The following ZNF385D variants were observed in gnomAD, a reference collection of about 807,000 sequenced individuals.
ZNF385D encodes the protein zinc finger protein 385D.
ZNF385D carries 15 observed loss-of-function variants against 35.8 expected under a neutral mutation model. The ratio of observed to expected loss-of-function variants is 0.42; its 90% CI spans 0.28 to 0.64. ZNF385D has a LOEUF of 0.64. ZNF385D is among the 30% of genes least tolerant of loss of function. ZNF385D has a pLI of 0.23. For missense variants in ZNF385D, 474 were observed against 494.6 expected (o/e 0.96, Z 0.39); for synonymous variants, 212 against 186.8 (o/e 1.13, Z -1.10).
intron 2 of ZNF385D, among the ~76,000 whole-genome samples, chr3:21,619,616 G>A (rs1023469676): frequency 4.6e-5 from 7 of 152,052 alleles, no homozygotes; most frequent in African/African-American, 7.2e-5. Context: ...AGACTCTTCC[G>A]TTAGAAACTC....
At chr3:21,751,734 T>C (rs1213677001), upstream of ZNF385D, among the ~76,000 whole-genome samples, 1 of 152,092 alleles carries the variant, frequency 6.6e-6, no homozygotes, top group Non-Finnish European at 1.5e-5. Flanking sequence ...AAGCTAGTAC[T>C]TGGTGAAGTG....
chr3:22,262,524 T>C (rs1700686197), intron 2 of ZNF385D, among the ~76,000 whole-genome samples: 1 of 152,008 alleles, frequency 6.6e-6, no homozygotes, highest in East Asian at 1.9e-4. Context: ...TCAATTTCTA[T>C]ATTTATTTTC....
At chr3:22,321,888 AGT>A (rs1485160337) in intron 2 of ZNF385D, among the ~76,000 whole-genome samples, 1 of 151,728 alleles carries the variant, frequency 6.6e-6, no homozygotes, top group African/African-American at 2.4e-5. Context: ...CCCTTTATTG[AGT>A]GTCTCAATAT....
At chr3:21,929,830 G>A (rs573880994) in intron 3 of ZNF385D, among the ~76,000 whole-genome samples, 17 of 152,030 alleles carry the variant, frequency 1.1e-4, no homozygotes, top group South Asian at 2.1e-4. Flanking sequence ...GACATTCTGC[G>A]TTCACCATTT....
chr3:21,796,282 T>C (rs2072146225), intron 3 of ZNF385D, among the ~76,000 whole-genome samples: 1 of 152,184 alleles, frequency 6.6e-6, no homozygotes, highest in Admixed American at 6.5e-5. Flanking sequence ...ATTTCCTAAA[T>C]TGTTCTATTA....
intron 3 of ZNF385D, among the ~76,000 whole-genome samples, chr3:22,144,083 A>G (rs1037644644): frequency 2.0e-5 from 3 of 152,216 alleles, no homozygotes; most frequent in Admixed American, 1.3e-4. Flanking sequence ...AATGTTTTAT[A>G]AAAGAATGTG....
intron 1 of ZNF385D, among the ~76,000 whole-genome samples, chr3:21,735,430 A>G (rs1180488379): frequency 6.6e-6 from 1 of 152,064 alleles, no homozygotes; most frequent in Non-Finnish European, 1.5e-5. Flanking sequence ...GTTAATCTTC[A>G]TTTTTCTTAT....
chr3:21,500,437 T>C lies in ZNF385D; in HGVS notation c.439+10424A>G, dbSNP rs192027506. 2.0e-5 allele frequency among the ~76,000 whole-genome samples: 3 copies of C among 152,240 alleles called. No homozygotes were observed. The South Asian group carries it at 6.2e-4, about 32-fold the overall frequency. On this transcript the variant is annotated intron_variant, in intron 4 of 7. Coordinates refer to ENST00000281523, the MANE Select transcript of ZNF385D (RefSeq NM_024697.3). ...ATGGGGTTGACAAGCAGGAGGATAA[T>C]ACAATTTCAGTGAGTGCTAGGAATG... is the stretch of plus-strand genomic sequence containing the variant.
chr3:21,955,065 C>A (rs1049769835), intron 3 of ZNF385D, among the ~76,000 whole-genome samples: 1 of 152,104 alleles, frequency 6.6e-6, no homozygotes, highest in African/African-American at 2.4e-5. Context: ...TCGTTACCAA[C>A]AGATGTTTTT....
intron 3 of ZNF385D, among the ~76,000 whole-genome samples, chr3:22,039,295 C>T (rs1037908235): frequency 2.0e-5 from 3 of 149,872 alleles, no homozygotes; most frequent in African/African-American, 7.4e-5. Context: ...TAAGCAGGCT[C>T]ATTGTTAGGG....
At chr3:22,080,501 A>G (rs1700693569) in intron 3 of ZNF385D, among the ~76,000 whole-genome samples, 1 of 152,246 alleles carries the variant, frequency 6.6e-6, no homozygotes, top group Non-Finnish European at 1.5e-5. Flanking sequence ...AAGCTTTACC[A>G]ATAAGCGGCC....
At chr3:21,860,035 T>C (rs558160914) in intron 3 of ZNF385D, among the ~76,000 whole-genome samples, 5 of 152,194 alleles carry the variant, frequency 3.3e-5, no homozygotes, top group African/African-American at 1.2e-4. Context: ...ACCCACTTTT[T>C]TGGGACTAGA....
chr3:21,820,941 A>G (rs2073369010), intron 3 of ZNF385D, among the ~76,000 whole-genome samples: 1 of 151,966 alleles, frequency 6.6e-6, no homozygotes, highest in Non-Finnish European at 1.5e-5. Context: ...TTGAAACTTC[A>G]TTTAAAAATT....
intron 3 of ZNF385D, among the ~76,000 whole-genome samples, chr3:21,512,552 A>C (rs1351580483): frequency 6.6e-6 from 1 of 152,222 alleles, no homozygotes; most frequent in Non-Finnish European, 1.5e-5. Flanking sequence ...AGGACTAGGT[A>C]CCCTTATTGA....
intron 3 of ZNF385D, among the ~76,000 whole-genome samples, chr3:21,986,640 T>C (rs1248618961): frequency 1.4e-5 from 2 of 146,774 alleles, no homozygotes; most frequent in Non-Finnish European, 3.0e-5. Context: ...AAAATGTATA[T>C]TCTGTTGATT....
chr3:21,658,360 CTA>C (rs950911919), intron 2 of ZNF385D, among the ~76,000 whole-genome samples: 2 of 151,968 alleles, frequency 1.3e-5, no homozygotes, highest in African/African-American at 4.8e-5. Context: ...TGACTCGAGT[CTA>C]TGCTTGCTTT....
At chr3:22,222,469 T>C (rs1430494120) in intron 2 of ZNF385D, among the ~76,000 whole-genome samples, 3 of 152,190 alleles carry the variant, frequency 2.0e-5, no homozygotes, top group African/African-American at 7.2e-5. Flanking sequence ...TCAAAGGAAA[T>C]GGTCATTTCT....
chr3:21,998,320 T>A (rs1322911224), intron 3 of ZNF385D, among the ~76,000 whole-genome samples: 1 of 152,174 alleles, frequency 6.6e-6, no homozygotes, highest in African/African-American at 2.4e-5. Context: ...TCTAATACAT[T>A]TGGTTTCTTT....
At chr3:21,864,901 G>A (rs990594797) in intron 3 of ZNF385D, among the ~76,000 whole-genome samples, 2 of 150,792 alleles carry the variant, frequency 1.3e-5, no homozygotes, top group South Asian at 2.1e-4. Context: ...ATGAAGCCTT[G>A]AGAGTTTATA....
Sources: allele counts gnomAD v4.1 joint callset (sites outside exome capture counted in the v4.1 genomes callset), GRCh38; gene constraint gnomAD v4.1.1; transcripts MANE v1.5; gene names NCBI Gene and HGNC (gene_info 2026-07-23, HGNC 2026-07-21).